The following HLF variants were observed in gnomAD, a reference collection of about 807,000 sequenced individuals.
HLF encodes hepatic leukemia factor.
HLF carries 3 observed loss-of-function variants against 22.6 expected under a neutral mutation model. The ratio of observed to expected loss-of-function variants is 0.13; its 90% CI spans 0.06 to 0.34. The LOEUF (loss-of-function observed/expected upper bound fraction) is 0.34, where lower values mean the gene tolerates loss of function less well. HLF is among the 10% of genes least tolerant of loss of function. The pLI is 1.00. For missense variants in HLF, 299 were observed against 389.2 expected (o/e 0.77, Z 1.95); for synonymous variants, 151 against 151.8 (o/e 0.99, Z 0.04).
chr17:55,281,739 G>A (rs1038608050), intron 2 of HLF, among the ~76,000 whole-genome samples: 2 of 152,186 alleles, frequency 1.3e-5, no homozygotes, highest in Admixed American at 1.3e-4. Flanking sequence ...CTGTTCCCAA[G>A]AGGACTGAAT....
At chr17:55,277,624 T>C (rs1240879615) in intron 2 of HLF, among the ~76,000 whole-genome samples, 1 of 134,956 alleles carries the variant, frequency 7.4e-6, no homozygotes, top group African/African-American at 2.8e-5. Flanking sequence ...GGGGATCGGA[T>C]TGGGGGGGGT....
intron 1 of HLF, 175 bp downstream of exon 1, chr17:55,265,774 C>T (rs1306001812): frequency 1.5e-6 from 2 of 1,292,842 alleles, no homozygotes; most frequent in Non-Finnish European, 2.0e-6. Flanking sequence ...TCCCCTTCCT[C>T]CTCCTCCATG....
chr17:55,285,222 C>G (rs2080993192), intron 2 of HLF, among the ~76,000 whole-genome samples: 1 of 152,202 alleles, frequency 6.6e-6, no homozygotes, highest in African/African-American at 2.4e-5. Flanking sequence ...ACCTAGGAGT[C>G]AAGCTCCTGC....
intron 2 of HLF, among the ~76,000 whole-genome samples, chr17:55,288,296 C>T (rs2081024680): frequency 6.6e-6 from 1 of 152,016 alleles, no homozygotes; most frequent in Non-Finnish European, 1.5e-5. Context: ...TACAGGCATG[C>T]ACCACCATGC....
In HLF at chr17:55,315,368, G is replaced by GCAAGTTCT. The variant is rs1567826147; in HGVS notation, c.595_602dup (p.Glu202SerfsTer7). The GCAAGTTCT allele has an allele frequency of 6.2e-7, 1 of 1,614,110 alleles. No individual in the cohort carries two copies. The highest frequency in any genetic ancestry group is 8.5e-7 in the Non-Finnish European group (1 of 1,180,000). On this transcript the variant is annotated frameshift_variant, in exon 3 of 4. Transcript: ENST00000226067. LOFTEE classifies it high-confidence loss of function. ...CAGGAAATGTTTGACCCTCGCAAAC[G>GCAAGTTCT]CAAGTTCTCTGAGGAAGAACTGAAG... is the stretch of plus-strand genomic sequence containing the variant.
intron 2 of HLF, among the ~76,000 whole-genome samples, chr17:55,293,235 T>C (rs1456030273): frequency 7.0e-6 from 1 of 143,600 alleles, no homozygotes; most frequent in Non-Finnish European, 1.5e-5. Context: ...CCATGTACTA[T>C]ATTAATATAT....
intron 2 of HLF, among the ~76,000 whole-genome samples, chr17:55,303,759 A>G (rs1271048224): frequency 1.3e-5 from 2 of 152,102 alleles, no homozygotes; most frequent in Non-Finnish European, 2.9e-5. Flanking sequence ...CTGCATCCTC[A>G]TGGATGGTTT....
At chr17:55,276,586 C>A (rs973482552) in intron 2 of HLF, among the ~76,000 whole-genome samples, 1 of 152,114 alleles carries the variant, frequency 6.6e-6, no homozygotes, top group African/African-American at 2.4e-5. Context: ...GTTAATGCCC[C>A]ACAAAGTTAT....
chr17:55,319,666 T>C (rs1251262954), intron 3 of HLF, among the ~76,000 whole-genome samples: 2 of 152,058 alleles, frequency 1.3e-5, no homozygotes, highest in East Asian at 3.8e-4. Context: ...TTAGAGTAAA[T>C]TATGTAAATT....
At position 55,321,175 on chromosome 17, in the gene HLF, C is replaced by T; in HGVS notation, c.*296C>T. The stretch of plus-strand genomic sequence containing the variant: ...GCCATGTCTTTACTAGACTGAGGAG[C>T]CCTCTCGCGGGTCTCCCATCCCCTC... On this transcript the variant is annotated 3_prime_UTR_variant, in exon 4 of 4. Coordinates refer to ENST00000226067, the MANE Select transcript of HLF (RefSeq NM_002126.5). The T allele has an allele frequency of 3.0e-6, 1 of 332,766 alleles. No individual in the cohort carries two copies. The highest frequency in any genetic ancestry group is 5.2e-5 in the South Asian group (1 of 19,142). The allele number at this position is 332,766 out of a possible 1,614,324, so 20.6% of individuals were successfully genotyped here.
chr17:55,316,684 G>T (rs1284160506), intron 3 of HLF, among the ~76,000 whole-genome samples: 5 of 152,216 alleles, frequency 3.3e-5, no homozygotes, highest in South Asian at 2.1e-4. Context: ...TGGCTCCCAG[G>T]TTGTCTTGCT....
intron 2 of HLF, among the ~76,000 whole-genome samples, chr17:55,311,504 A>C (rs1241300035): frequency 2.6e-5 from 4 of 152,204 alleles, no homozygotes; most frequent in Non-Finnish European, 5.9e-5. Flanking sequence ...AGTCTGTCTC[A>C]AAGAAAAAAA....
intron 2 of HLF, among the ~76,000 whole-genome samples, chr17:55,303,587 A>G (rs1191476885): frequency 6.6e-6 from 1 of 152,184 alleles, no homozygotes; most frequent in African/African-American, 2.4e-5. Flanking sequence ...TCAGCCAACA[A>G]GGAGACAGGA....
In HLF at chr17:55,315,327, T is replaced by A; in HGVS notation, c.552T>A (p.Leu184=). 1 of 1,614,178 alleles carries A rather than the reference T, an allele frequency of 6.2e-7. No homozygotes were observed. The highest frequency in any genetic ancestry group is 8.5e-7 in the Non-Finnish European group (1 of 1,180,018). ...AGCCAGACCCAGCAGATCTTGCCCT[T>A]TCCAGCATCCCTGGCCAGGAAATGT... is the stretch of plus-strand genomic sequence containing the variant. ...GYEPDPADLA[L]SSIPGQEMFD... Residue 184 remains leucine, a synonymous_variant, in exon 3 of 4, where the codon CTT becomes CTA. Transcript: ENST00000226067.
At chr17:55,303,787 G>C (rs9909162) in intron 2 of HLF, among the ~76,000 whole-genome samples, 2,797 of 152,300 alleles carry the variant, frequency 0.018, 85 homozygotes, top group African/African-American at 0.064. Context: ...TTCAGCGAGG[G>C]GGGTGAATGT....
rs1905327875 is a variant in HLF, at chr17:55,323,320, A to G, written c.*2441A>G. 7 of 216,448 alleles carry G rather than the reference A, an allele frequency of 3.2e-5. No homozygotes were observed. In the East Asian group the frequency reaches 4.8e-4, roughly 15 times the overall value. The allele number at this position is 216,448 out of a possible 1,614,324, so 13.4% of individuals were successfully genotyped here. The stretch of plus-strand genomic sequence containing the variant: ...AAGAGGCGAATTGTAGAATTGTTAG[A>G]TGGCAATAGTCATTAAAAACATAGA... On this transcript the variant is annotated 3_prime_UTR_variant, in exon 4 of 4. Transcript: ENST00000226067.
At chr17:55,307,403 A>G (rs1904628157) in intron 2 of HLF, among the ~76,000 whole-genome samples, 1 of 151,882 alleles carries the variant, frequency 6.6e-6, no homozygotes, top group Non-Finnish European at 1.5e-5. Context: ...TCCTGGCCTC[A>G]AGTGATCTGC....
intron 2 of HLF, chr17:55,273,662 G>T: frequency 6.6e-6 from 1 of 152,306 alleles, no homozygotes; most frequent in Non-Finnish European, 1.5e-5. Context: ...GTGAGCCCTG[G>T]CAACCCTGGC....
chr17:55,296,810 A>G (rs989413507), intron 2 of HLF, among the ~76,000 whole-genome samples: 1 of 152,218 alleles, frequency 6.6e-6, no homozygotes, highest in African/African-American at 2.4e-5. Context: ...GTGTGTGAGA[A>G]AGCTGTTTCC....
Sources: gnomAD v4.1 joint callset for allele counts (sites outside exome capture counted in the v4.1 genomes callset) on GRCh38, gnomAD v4.1.1 for gene constraint, MANE v1.5 for transcripts, NCBI Gene and HGNC (gene_info 2026-07-23, HGNC 2026-07-21) for gene names.